SORBS2: variants seen among roughly 807,000 people sequenced by gnomAD.
SORBS2 encodes sorbin and SH3 domain-containing protein 2.
Under a neutral mutation model 97.7 loss-of-function variants are expected in SORBS2, and 46 were observed. That is an observed-to-expected ratio of 0.47 (90% CI 0.37 to 0.60). The LOEUF (loss-of-function observed/expected upper bound fraction) is 0.60. Among genes scored for constraint, SORBS2 ranks in the 20% least tolerant of loss-of-function variants. The pLI is 0.00. For synonymous variants in SORBS2, 476 were observed against 473.4 expected, an observed-to-expected ratio of 1.01 and a Z score of -0.07; for missense variants, 1,316 against 1,282.3, an observed-to-expected ratio of 1.03 and a Z score of -0.40.
At chr4:185,701,560 G>A (rs888670477) in intron 2 of SORBS2, among the ~76,000 whole-genome samples, 2 of 152,132 alleles carry the variant, frequency 1.3e-5, no homozygotes, top group South Asian at 2.1e-4. Context: ...CAGAACCCAC[G>A]CTGGGACCAC....
intron 2 of SORBS2, chr4:185,761,554 A>T (rs1384741804): frequency 6.6e-6 from 1 of 152,246 alleles, no homozygotes; most frequent in Non-Finnish European, 1.5e-5. Context: ...ACAAGTACAG[A>T]GTCTTGAGTA....
intron 1 of SORBS2, among the ~76,000 whole-genome samples, chr4:185,821,118 G>T (rs1408274166): frequency 6.6e-6 from 1 of 152,176 alleles, no homozygotes; most frequent in African/African-American, 2.4e-5. Context: ...ATTTGCCCAC[G>T]CCCGGGGGGC....
In SORBS2 at chr4:185,899,615, G is replaced by A. The variant is rs145523017; in HGVS notation, c.-338+56581C>T. ...TTAAACCCACCTAACAACCAACTAC[G>A]CAACATGCCCAGGCACTCCCAGAGC... On this transcript the variant is annotated intron_variant, in intron 1 of 20. Transcript: ENST00000284776. 7.2e-5 allele frequency among the ~76,000 whole-genome samples: 11 copies of A among 152,080 alleles called. No individual in the cohort carries two copies. In the East Asian group the frequency reaches 1.6e-3, roughly 21 times the overall value.
At chr4:185,764,381 T>C (rs2098922148) in intron 2 of SORBS2, among the ~76,000 whole-genome samples, 1 of 152,196 alleles carries the variant, frequency 6.6e-6, no homozygotes, top group African/African-American at 2.4e-5. Context: ...TTTGATAACT[T>C]AAAGAGTAAA....
intron 1 of SORBS2, among the ~76,000 whole-genome samples, chr4:185,793,818 A>G (rs886115266): frequency 1.3e-5 from 2 of 152,208 alleles, no homozygotes; most frequent in Non-Finnish European, 2.9e-5. Context: ...GACTGGTCCT[A>G]TGATCTATGC....
intron 2 of SORBS2, among the ~76,000 whole-genome samples, chr4:185,728,949 A>T (rs1377767983): frequency 6.6e-6 from 1 of 152,254 alleles, no homozygotes; most frequent in Non-Finnish European, 1.5e-5. Context: ...AGTAAGTGGA[A>T]GAATGAATGA....
chr4:185,623,724 C>CG lies in SORBS2; in HGVS notation c.1404dup (p.Ala469ArgfsTer10), dbSNP rs763107670. ...GACTGGCAGCCTCGCCGGCCCCGAGCGGGGGGGCCGCTTTGATTTTCTTCC... is the reference window on the plus strand; with the variant it reads ...GACTGGCAGCCTCGCCGGCCCCGAGCGGGGGGGGCCGCTTTGATTTTCTTCC... On this transcript the variant is annotated frameshift_variant, in exon 7 of 15. Coordinates refer to ENST00000418609, the Ensembl canonical transcript of SORBS2. LOFTEE classifies it high-confidence loss of function. This position sits in a 1 kb window ranked among gnomAD's most constrained non-coding sequence, Gnocchi z 6.4. 12 of 1,613,618 alleles carry CG rather than the reference C, an allele frequency of 7.4e-6. No homozygotes were observed. The highest frequency in any genetic ancestry group is 1.7e-6 in the Non-Finnish European group (2 of 1,179,986).
At chr4:185,951,981 TA>T (rs1024224955) in intron 1 of SORBS2, among the ~76,000 whole-genome samples, 2 of 151,956 alleles carry the variant, frequency 1.3e-5, no homozygotes, top group Non-Finnish European at 2.9e-5. Context: ...CCCAAAATTG[TA>T]AAAAGATGGC....
At chr4:185,737,360 G>A (rs923083689) in intron 2 of SORBS2, among the ~76,000 whole-genome samples, 1 of 152,056 alleles carries the variant, frequency 6.6e-6, no homozygotes, top group Non-Finnish European at 1.5e-5. Flanking sequence ...TCCTCCATCA[G>A]GGTCAGGAAT....
Position 185,588,385 on chromosome 4 carries a change from C to T in SORBS2, c.2954-697G>A, listed in dbSNP as rs555509008. On this transcript the variant is annotated intron_variant, in intron 14 of 14. Coordinates refer to ENST00000418609, the Ensembl canonical transcript of SORBS2. ...CACAAATGGCTATCATAATTATGTTCGCCTCTGGTTTCAAATAATGTAATT... is the reference window on the plus strand; with the variant it reads ...CACAAATGGCTATCATAATTATGTTTGCCTCTGGTTTCAAATAATGTAATT... Among the ~76,000 whole-genome samples, 123 of 152,240 alleles carry T rather than the reference C, an allele frequency of 8.1e-4. 3 individuals are homozygous for T. Among genetic ancestry groups the T allele is most frequent in the South Asian group, 3.9e-3 (19 of 4,820 alleles).
intron 4 of SORBS2, 146 bp downstream of exon 16, chr4:185,635,209 A>G: frequency 1.6e-6 from 1 of 626,528 alleles, no homozygotes. Context: ...AGGCAATGAT[A>G]CTGGATGCAA....
intron 4 of SORBS2, chr4:185,677,043 T>G (rs1198368129): frequency 6.4e-7 from 1 of 1,551,388 alleles, no homozygotes; most frequent in Non-Finnish European, 8.7e-7. Flanking sequence ...TGCAGATTTT[T>G]GTCTCTCTTG....
chr4:185,953,113 A>G (rs1018912653), intron 1 of SORBS2, among the ~76,000 whole-genome samples: 5 of 152,164 alleles, frequency 3.3e-5, no homozygotes, highest in African/African-American at 1.2e-4. Flanking sequence ...TCAGGAGTTC[A>G]AGACCAGCCT....
chr4:185,952,901 G>GA (rs1483045867), intron 1 of SORBS2, among the ~76,000 whole-genome samples: 1 of 152,174 alleles, frequency 6.6e-6, no homozygotes, highest in Non-Finnish European at 1.5e-5. Flanking sequence ...CCGAGAAAAA[G>GA]AAAATGTGTG....
At position 185,883,640 on chromosome 4, in the gene SORBS2, A is replaced by G. The variant is rs139419260; in HGVS notation, c.-338+72556T>C. ...TTTGACTGGTGAATACACAAACAAA[A>G]TGTGGTACATTTGTATAATGAAATA... On this transcript the variant is annotated intron_variant, in intron 1 of 20. Coordinates refer to the SORBS2 transcript ENST00000284776. Among the ~76,000 whole-genome samples, 222 of 152,356 alleles carry G rather than the reference A, an allele frequency of 1.5e-3. 1 individual carries two copies. The highest frequency in any genetic ancestry group is 3.4e-3 in the Middle Eastern group (1 of 294).
chr4:185,596,891 A>G (rs2096113756), intron 12 of SORBS2, among the ~76,000 whole-genome samples: 1 of 151,848 alleles, frequency 6.6e-6, no homozygotes, highest in South Asian at 2.1e-4. Flanking sequence ...ATATCTTTCA[A>G]ACCCTGCCCC....
chr4:185,598,719 C>T (rs1192654311), intron 12 of SORBS2, among the ~76,000 whole-genome samples: 2 of 152,006 alleles, frequency 1.3e-5, no homozygotes, highest in Non-Finnish European at 2.9e-5. Context: ...TGAAATTCTC[C>T]TAATAATACC....
intron 1 of SORBS2, among the ~76,000 whole-genome samples, chr4:185,811,449 T>C (rs919848580): frequency 9.9e-5 from 15 of 152,180 alleles, no homozygotes; most frequent in Non-Finnish European, 1.2e-4. Context: ...ATATCGGTCA[T>C]GTTTTTTATC....
intron 1 of SORBS2, among the ~76,000 whole-genome samples, chr4:185,804,109 TG>T (rs2099142931): frequency 1.3e-5 from 2 of 152,102 alleles, no homozygotes; most frequent in Non-Finnish European, 1.5e-5. Flanking sequence ...CTTAGCTTAG[TG>T]TTTTACCCAA....
Sources: allele counts gnomAD v4.1 joint callset (sites outside exome capture counted in the v4.1 genomes callset), GRCh38; gene constraint gnomAD v4.1.1; non-coding constraint Gnocchi (gnomAD v3.1); transcripts MANE v1.5; gene names NCBI Gene and HGNC (gene_info 2026-07-23, HGNC 2026-07-21).